The following ATG10 variants were observed in gnomAD, a reference collection of about 807,000 sequenced individuals.
The protein encoded by ATG10 is autophagy related 10.
In ATG10, 30 loss-of-function variants were observed where a neutral mutation model predicts 32.1. The ratio of observed to expected loss-of-function variants is 0.94; its 90% CI spans 0.70 to 1.27. The LOEUF (loss-of-function observed/expected upper bound fraction) is 1.27, where lower values mean the gene tolerates loss of function less well. Among genes scored for constraint, ATG10 ranks in the 50% most tolerant of loss-of-function variants. ATG10 has a pLI of 0.00. For missense variants in ATG10, 233 were observed against 262.3 expected (o/e 0.89, Z 0.77); for synonymous variants, 87 against 91.5 (o/e 0.95, Z 0.28).
rs893894410 is a variant in ATG10 at position 82,136,042 on chromosome 5, C to A, written c.217-28357C>A. 2.6e-5 allele frequency among the ~76,000 whole-genome samples: 4 copies of A among 151,848 alleles called. No individual in the cohort carries two copies. The East Asian group carries it at 7.7e-4, about 29-fold the overall frequency. ...TTTATCAGAGACTAAAATTGCAACC[C>A]CTGATTTTTTGTTTTTTTGCTTTCC... On this transcript the variant is annotated intron_variant, in intron 3 of 7. Transcript: ENST00000282185.
At chr5:82,050,943 A>G (rs1439547450) in intron 2 of ATG10, among the ~76,000 whole-genome samples, 1 of 151,748 alleles carries the variant, frequency 6.6e-6, no homozygotes, top group Admixed American at 6.6e-5. Flanking sequence ...CCCAGGAATT[A>G]GAAGCTGCAA....
chr5:82,232,326 C>A (rs1270745677), intron 5 of ATG10, among the ~76,000 whole-genome samples: 4 of 152,276 alleles, frequency 2.6e-5, no homozygotes, highest in Admixed American at 2.6e-4. Context: ...AAACGTACCA[C>A]CTGAAAGTTG....
intron 2 of ATG10, among the ~76,000 whole-genome samples, chr5:82,012,794 TAC>T (rs1008749972): frequency 6.6e-6 from 1 of 152,144 alleles, no homozygotes; most frequent in African/African-American, 2.4e-5. Flanking sequence ...TAGCTAGAAT[TAC>T]AGTCATGTGC....
At chr5:82,004,478 A>G (rs941097928) in intron 2 of ATG10, among the ~76,000 whole-genome samples, 4 of 152,244 alleles carry the variant, frequency 2.6e-5, no homozygotes, top group Non-Finnish European at 5.9e-5. Context: ...AAGCAAACAC[A>G]ACAATCCATG....
At chr5:82,080,537 G>C (rs1419788591) in intron 3 of ATG10, among the ~76,000 whole-genome samples, 1 of 152,146 alleles carries the variant, frequency 6.6e-6, no homozygotes, top group African/African-American at 2.4e-5. Flanking sequence ...ATTACTTTTT[G>C]TATAAGGTGT....
chr5:82,059,049 A>G (rs1383740104), intron 3 of ATG10, among the ~76,000 whole-genome samples: 1 of 151,858 alleles, frequency 6.6e-6, no homozygotes. Flanking sequence ...TTGATTGGAG[A>G]CCTCTTTGCC....
At chr5:82,166,611 TC>T (rs200871000) in intron 4 of ATG10, among the ~76,000 whole-genome samples, 3 of 151,726 alleles carry the variant, frequency 2.0e-5, no homozygotes, top group African/African-American at 2.4e-5. Context: ...TTTCATTTAT[TC>T]CCCCCCCAGT....
At chr5:82,011,279 CAT>C (rs1762120843) in intron 2 of ATG10, among the ~76,000 whole-genome samples, 2 of 152,158 alleles carry the variant, frequency 1.3e-5, no homozygotes, top group Non-Finnish European at 2.9e-5. Context: ...TGCCTCAATA[CAT>C]ATACTGAATG....
At chr5:82,112,763 G>A (rs959585858) in intron 3 of ATG10, among the ~76,000 whole-genome samples, 3 of 151,794 alleles carry the variant, frequency 2.0e-5, no homozygotes, top group African/African-American at 7.2e-5. Context: ...GTTGATTTAA[G>A]TAGGGAAACT....
chr5:82,253,051 G>A lies in ATG10; in HGVS notation c.552-263G>A, dbSNP rs556165413. On this transcript the variant is annotated intron_variant, in intron 6 of 7. Coordinates refer to ENST00000282185, the MANE Select transcript of ATG10 (RefSeq NM_031482.5). ...GCTGTAAACTGTAAGGGTAAAATTT[G>A]AATCATCAAGGGAAGTCAGGAGCCA... is the stretch of plus-strand genomic sequence containing the variant. Among the ~76,000 whole-genome samples, 6 of 152,284 alleles carry A rather than the reference G, an allele frequency of 3.9e-5. No individual in the cohort carries two copies. The South Asian group carries it at 1.2e-3, about 32-fold the overall frequency.
chr5:82,222,082 C>G (rs1357604818), intron 5 of ATG10, among the ~76,000 whole-genome samples: 1 of 152,166 alleles, frequency 6.6e-6, no homozygotes, highest in East Asian at 1.9e-4. Context: ...TTGAAGAGTA[C>G]TCTCTCCCCA....
rs550822625 is a variant in ATG10, at chr5:82,246,967, T to C, written c.454-5595T>C. On this transcript the variant is annotated intron_variant, in intron 5 of 7. Coordinates refer to ENST00000282185, the MANE Select transcript of ATG10 (RefSeq NM_031482.5). The stretch of plus-strand genomic sequence containing the variant: ...TTTTTCCCTCATTACTCTGAATATG[T>C]CATTCTGCTCCTATCTGGACTGATA... Among the ~76,000 whole-genome samples the C allele has an allele frequency of 1.1e-4, 16 of 152,328 alleles. No homozygotes were observed. In the East Asian group the frequency reaches 2.7e-3, roughly 26 times the overall value.
Position 82,164,490 on chromosome 5 carries a change from C to T in ATG10, c.308C>T (p.Ser103Phe). 6.2e-7 allele frequency: 1 copy of T among 1,613,018 alleles called. No individual in the cohort carries two copies. Among genetic ancestry groups the T allele is most frequent in the Non-Finnish European group, 8.5e-7 (1 of 1,179,072 alleles). ...VIKYEYHVLY[S>F]CSYQVPVLYF... is the part of the protein sequence containing the mutation. ...AAATATGAGTATCATGTCTTATATT[C>T]CTGTAGCTACCAAGTGCCTGTACTT... Residue 103 changes from serine (S) to phenylalanine (F), a missense_variant, in exon 4 of 8, where the codon TCC becomes TTC. Physicochemically the swap from Ser to Phe is radical, Grantham distance 155. Transcript: ENST00000282185.
rs534796121 is a variant in ATG10 at position 82,164,417 on chromosome 5, T to C, written c.235T>C (p.Leu79=). ...TTTTTAGGAGGCTTTCGAGCTACCC[T>C]TGGATGATTGTGAAGTGATTGAAAC... ...LPMEEAFELP[L]DDCEVIETAA... is the part of the protein sequence containing the mutation. Residue 79 remains leucine, a synonymous_variant, in exon 4 of 8, where the codon TTG becomes CTG. Transcript: ENST00000282185. The C allele has an allele frequency of 6.2e-7, 1 of 1,613,920 alleles. No homozygotes were observed. Among genetic ancestry groups the C allele is most frequent in the Admixed American group, 1.7e-5 (1 of 59,986 alleles).
chr5:81,972,393 A>T (rs1157835484), intron 1 of ATG10, 87 bp downstream of exon 1: 3 of 152,492 alleles, frequency 2.0e-5, no homozygotes, highest in Non-Finnish European at 4.4e-5. Flanking sequence ...GACAGGGAGG[A>T]AGGGCACGCG....
At chr5:82,175,553 G>A (rs757259208) in intron 4 of ATG10, among the ~76,000 whole-genome samples, 11 of 152,160 alleles carry the variant, frequency 7.2e-5, no homozygotes, top group Non-Finnish European at 1.5e-4. Flanking sequence ...TGAATTGTAT[G>A]TACGTGAATT....
intron 5 of ATG10, among the ~76,000 whole-genome samples, chr5:82,181,120 C>A (rs1744216298): frequency 6.6e-6 from 1 of 152,040 alleles, no homozygotes; most frequent in African/African-American, 2.4e-5. Flanking sequence ...CAAATCCTAT[C>A]ACAACAAGCA....
rs1341650171 is a variant in ATG10, at chr5:82,255,123, C to T, written c.*1060C>T. 6.6e-6 allele frequency: 1 copy of T among 152,120 alleles called. No homozygotes were observed. The highest frequency in any genetic ancestry group is 2.4e-5 in the African/African-American group (1 of 41,426). The allele number at this position is 152,120 out of a possible 1,614,324, so 9.4% of individuals were successfully genotyped here. On this transcript the variant is annotated 3_prime_UTR_variant, in exon 8 of 8. Transcript: ENST00000282185. ...ATTTTACCCCTCTGCTTCTCAACCC[C>T]ACAGCTGCTCTGCTGTACTCTTTGA...
rs968005889 is a variant in ATG10 at position 82,094,582 on chromosome 5, C to T, written c.216+35980C>T. Among the ~76,000 whole-genome samples the T allele has an allele frequency of 9.9e-5, 15 of 151,770 alleles. No homozygotes were observed. The South Asian group carries it at 1.0e-3, about 11-fold the overall frequency. On this transcript the variant is annotated intron_variant, in intron 3 of 7. Transcript: ENST00000282185. ...TCTAGAAATACATCCTAAGCAAATA[C>T]GCTCATAAGTTTTAAAAAGTATTTT...
Sources: allele counts gnomAD v4.1 joint callset (sites outside exome capture counted in the v4.1 genomes callset), GRCh38; gene constraint gnomAD v4.1.1; transcripts MANE v1.5; gene names NCBI Gene and HGNC (gene_info 2026-07-23, HGNC 2026-07-21).